Variants in GRAMD1B observed in about 807,000 individuals in gnomAD.
GRAMD1B encodes GRAM domain containing 1B.
GRAMD1B carries 37 observed loss-of-function variants against 99.7 expected under a neutral mutation model. The ratio of observed to expected loss-of-function variants is 0.37; its 90% CI spans 0.29 to 0.49. The LOEUF is 0.49. GRAMD1B is among the 20% of genes least tolerant of loss of function. The probability of loss-of-function intolerance (pLI) is 0.98; values close to 1 mark genes in which losing one functional copy is unlikely to be tolerated. For missense variants in GRAMD1B, 888 were observed against 1,009.2 expected (o/e 0.88, Z 1.63); for synonymous variants, 427 against 387.6 (o/e 1.10, Z -1.19).
chr11:123,433,410 G>A (rs1045783326), intron 1 of GRAMD1B, among the ~76,000 whole-genome samples: 2 of 152,134 alleles, frequency 1.3e-5, no homozygotes, highest in African/African-American at 4.8e-5. Flanking sequence ...AGTTTGTCAT[G>A]GCTTGTCGGC....
intron 2 of GRAMD1B, among the ~76,000 whole-genome samples, chr11:123,503,690 G>T (rs957239811): frequency 6.6e-6 from 1 of 152,048 alleles, no homozygotes; most frequent in Non-Finnish European, 1.5e-5. Flanking sequence ...GGGAGGACAG[G>T]CATGCGCCAC....
intron 1 of GRAMD1B, among the ~76,000 whole-genome samples, chr11:123,397,547 A>T (rs1478942765): frequency 1.3e-5 from 2 of 152,206 alleles, no homozygotes; most frequent in African/African-American, 4.8e-5. Context: ...GCTCTCACTC[A>T]GGCTGGAGTG....
intron 1 of GRAMD1B, among the ~76,000 whole-genome samples, chr11:123,402,447 G>C (rs569480933): frequency 6.6e-6 from 1 of 152,188 alleles, no homozygotes; most frequent in South Asian, 2.1e-4. Flanking sequence ...TATTGAGTAC[G>C]AGGTGTGTGT....
At chr11:123,380,525 G>A (rs529809484) in intron 1 of GRAMD1B, among the ~76,000 whole-genome samples, 22 of 152,268 alleles carry the variant, frequency 1.4e-4, no homozygotes, top group African/African-American at 5.1e-4. Context: ...ACTTTTATTA[G>A]GACTTTATTA....
At chr11:123,613,434 T>A (rs1389869327) in intron 15 of GRAMD1B, 21 bp from the exon 16 acceptor site, 1 of 1,576,390 alleles carries the variant, frequency 6.3e-7, no homozygotes, top group African/African-American at 1.3e-5. Context: ...GCCTCTCCTG[T>A]GGTCCTTTTG....
At chr11:123,474,245 C>A (rs1951153774) in intron 1 of GRAMD1B, among the ~76,000 whole-genome samples, 1 of 145,526 alleles carries the variant, frequency 6.9e-6, no homozygotes, top group South Asian at 2.2e-4. Flanking sequence ...GCAATGTTTT[C>A]TTTTTTTTAA....
chr11:123,514,761 A>G (rs565316957), intron 2 of GRAMD1B, among the ~76,000 whole-genome samples: 3 of 152,310 alleles, frequency 2.0e-5, no homozygotes, highest in Non-Finnish European at 2.9e-5. Context: ...TGCTTTTGAG[A>G]AAGTACTCTG....
At chr11:123,363,004 A>G (rs1946196941) in intron 1 of GRAMD1B, among the ~76,000 whole-genome samples, 1 of 152,028 alleles carries the variant, frequency 6.6e-6, no homozygotes, top group Non-Finnish European at 1.5e-5. Context: ...GAGGAGGGAG[A>G]GGAAACAGAT....
At chr11:123,568,762 G>C (rs1160658793) in intron 2 of GRAMD1B, among the ~76,000 whole-genome samples, 1 of 152,104 alleles carries the variant, frequency 6.6e-6, no homozygotes, top group Non-Finnish European at 1.5e-5. Context: ...CTTCTATGCT[G>C]TAGGGAAAAA....
In GRAMD1B at chr11:123,484,175, G is replaced by C. The variant is rs1018490806; in HGVS notation, c.452+3282G>C. On this transcript the variant is annotated intron_variant, in intron 2 of 19. Coordinates refer to ENST00000635736, the MANE Select transcript of GRAMD1B (RefSeq NM_001387025.1). Reference sequence around the variant, plus strand: ...CACCAAACATCTCCAGAAGTATACTGTCCGTTTCTGAGCGTGATGTCTTTG... The same window carrying C: ...CACCAAACATCTCCAGAAGTATACTCTCCGTTTCTGAGCGTGATGTCTTTG... Among the ~76,000 whole-genome samples, 11 of 152,240 alleles carry C rather than the reference G, an allele frequency of 7.2e-5. No homozygotes were observed. The East Asian group carries it at 1.9e-3, about 27-fold the overall frequency.
At chr11:123,582,934 G>A (rs1311642183) in intron 3 of GRAMD1B, among the ~76,000 whole-genome samples, 1 of 152,214 alleles carries the variant, frequency 6.6e-6, no homozygotes, top group Non-Finnish European at 1.5e-5. Context: ...CCCACCCAGC[G>A]ATCCCTAAAA....
At chr11:123,431,783 G>T (rs574170155) in intron 1 of GRAMD1B, among the ~76,000 whole-genome samples, 2 of 152,294 alleles carry the variant, frequency 1.3e-5, no homozygotes, top group African/African-American at 4.8e-5. Context: ...ACTGTGGTTT[G>T]TACCAGCTAG....
chr11:123,472,605 C>G (rs1318150928), intron 1 of GRAMD1B, among the ~76,000 whole-genome samples: 2 of 152,166 alleles, frequency 1.3e-5, no homozygotes, highest in Non-Finnish European at 2.9e-5. Context: ...GAGGGGCACC[C>G]AAATGGGAAT....
chr11:123,525,977 C>A, intron 2 of GRAMD1B: 1 of 611,984 alleles, frequency 1.6e-6, no homozygotes, highest in South Asian at 2.1e-5. Flanking sequence ...GCAGTGGCAG[C>A]AGTTCTTCTG....
chr11:123,507,092 T>C (rs2135244179), intron 2 of GRAMD1B, among the ~76,000 whole-genome samples: 1 of 152,348 alleles, frequency 6.6e-6, no homozygotes. Flanking sequence ...ATCTGATTTC[T>C]GTGTGACTTT....
At chr11:123,490,820 C>A (rs934152781) in intron 2 of GRAMD1B, among the ~76,000 whole-genome samples, 10 of 151,968 alleles carry the variant, frequency 6.6e-5, no homozygotes, top group Non-Finnish European at 1.2e-4. Context: ...AGAAGATTAC[C>A]CTTGAACAGG....
chr11:123,360,765 TTCTTTCCTTCCTTCC>T (rs2135671256), intron 1 of GRAMD1B, among the ~76,000 whole-genome samples: 11 of 148,842 alleles, frequency 7.4e-5, no homozygotes, highest in African/African-American at 2.7e-4. Flanking sequence ...CCTTCCTTCC[TTCTTTCCTTCCTTCC>T]TTCCTTCCTT....
At chr11:123,581,026 G>GC (rs368207651) in intron 3 of GRAMD1B, among the ~76,000 whole-genome samples, 84 of 150,216 alleles carry the variant, frequency 5.6e-4, no homozygotes, top group African/African-American at 2.0e-3. Flanking sequence ...CCTAGTCCCT[G>GC]CCCCCCTACC....
intron 1 of GRAMD1B, among the ~76,000 whole-genome samples, chr11:123,392,947 G>A (rs1381427926): frequency 6.6e-6 from 1 of 152,110 alleles, no homozygotes; most frequent in Non-Finnish European, 1.5e-5. Context: ...CTTCGCCTTT[G>A]GTTTTGACAA....
Sources: allele counts gnomAD v4.1 joint callset (sites outside exome capture counted in the v4.1 genomes callset), GRCh38; gene constraint gnomAD v4.1.1; transcripts MANE v1.5; gene names NCBI Gene and HGNC (gene_info 2026-07-23, HGNC 2026-07-21).